The following RSPH3 variants were observed in gnomAD, a reference collection of about 807,000 sequenced individuals.
RSPH3 encodes radial spoke head 3.
In RSPH3, 21 loss-of-function variants were observed where a neutral mutation model predicts 43.8. The observed-to-expected ratio is 0.48, with a 90% confidence interval of 0.34 to 0.69. The LOEUF (loss-of-function observed/expected upper bound fraction) is 0.69. Ranked by LOEUF, RSPH3 falls within the 30% of genes least tolerant of loss-of-function variation. The pLI, the probability that RSPH3 is intolerant of heterozygous loss-of-function variation, is 0.01. For synonymous variants in RSPH3, 173 were observed against 179.8 expected (o/e 0.96, Z 0.30); for missense variants, 487 against 516.0 (o/e 0.94, Z 0.54).
At chr6:158,987,170 T>C (rs12524644) in intron 2 of RSPH3, among the ~76,000 whole-genome samples, 20,100 of 152,238 alleles carry the variant, frequency 0.13, 2,046 homozygotes, top group East Asian at 0.41. Context: ...GTTGGGTGCA[T>C]GGATATTTAT....
chr6:158,984,549 C>A (rs1778162045), intron 3 of RSPH3, among the ~76,000 whole-genome samples: 1 of 146,858 alleles, frequency 6.8e-6, no homozygotes, highest in Admixed American at 6.9e-5. Flanking sequence ...TACCAAGTCA[C>A]CAGGTTATTT....
At chr6:158,982,959 A>G (rs1007527624) in intron 4 of RSPH3, among the ~76,000 whole-genome samples, 53 of 152,150 alleles carry the variant, frequency 3.5e-4, no homozygotes, top group African/African-American at 1.3e-3. Flanking sequence ...CGTCTGTCTT[A>G]TTCTTTGCCT....
At chr6:158,964,885 G>A in the RSPH3 span, among the ~76,000 whole-genome samples, 25 of 152,016 alleles carry the variant, frequency 1.6e-4, no homozygotes, top group African/African-American at 5.8e-4. Flanking sequence ...AGAAACCATT[G>A]TCTAATCCAC....
intron 1 of RSPH3, among the ~76,000 whole-genome samples, chr6:158,995,335 A>C (rs77200608): frequency 0.018 from 2,708 of 152,284 alleles, 34 homozygotes; most frequent in Middle Eastern, 0.024. Context: ...GGTACTACTA[A>C]CTACATAGTT....
In RSPH3 at chr6:158,981,004, T is replaced by C. The variant is rs187047323; in HGVS notation, c.697-68A>G. On this transcript the variant is annotated intron_variant, in intron 5 of 7. Coordinates refer to ENST00000367069, the MANE Select transcript of RSPH3 (RefSeq NM_031924.8). ...CCCCAAGTGCTGAATCTAGTGAAGT[T>C]AGTAAGTACAAGAATCCAGACTTAT... 551 of 1,494,296 alleles carry C rather than the reference T, an allele frequency of 3.7e-4. 2 individuals carry two copies. In the African/African-American group the frequency reaches 6.8e-3, roughly 18 times the overall value. The allele number at this position is 1,494,296 out of a possible 1,614,324, so 92.6% of individuals were successfully genotyped here.
In RSPH3 at chr6:158,980,870, C is replaced by G. The variant is rs376531718; in HGVS notation, c.763G>C (p.Ala255Pro). The change falls in exon 6 of 8, where the codon GCC (alanine) becomes CCC (proline). Residue 255 changes from alanine (A) to proline (P), a missense_variant. Transcript: ENST00000367069. ...AGGTAACGCTGTGCAAATGCTCGGG[C>G]GGCGATTTTTTGTGATGTCTCGTTG... ...KHNETSQKIA[A>P]RAFAQRYLAD... is the part of the protein sequence containing the mutation. The G allele has an allele frequency of 6.2e-7, 1 of 1,614,110 alleles. No individual in the cohort carries two copies. Among genetic ancestry groups the G allele is most frequent in the East Asian group, 2.2e-5 (1 of 44,882 alleles).
rs71297000 is a variant in RSPH3, at chr6:158,998,297, CAAAA to C, written c.116+1134_116+1137del. On this transcript the variant is annotated intron_variant, in intron 1 of 7. Transcript: ENST00000367069. The stretch of plus-strand genomic sequence containing the variant: ...AAACCCCGTCTCTACTAAAAAAATA[CAAAA>C]AAAAAAAAAAAAAAAAAAAGAGCCG... 3.0e-4 allele frequency among the ~76,000 whole-genome samples: 16 copies of C among 53,912 alleles called. 1 individual carries two copies. Among genetic ancestry groups the C allele is most frequent in the African/African-American group, 9.2e-4 (14 of 15,278 alleles). 35.4% of individuals were successfully genotyped at this position (53,912 alleles called of 152,430 possible). A position where few individuals can be genotyped will look rare whatever the true frequency, so the allele number is the denominator to read the frequency against.
rs931792457 is a variant in RSPH3, at chr6:158,989,340, C to A, written c.205-2919G>T. On this transcript the variant is annotated intron_variant, in intron 2 of 7. Transcript: ENST00000367069. This position sits in a 1 kb window ranked among gnomAD's most constrained non-coding sequence, Gnocchi z 4.3. ...GGGATTACAGGCATGAGACACTGCGCCCCGACAGAGATCCTTTATCACTAG... is the reference window on the plus strand; with the variant it reads ...GGGATTACAGGCATGAGACACTGCGACCCGACAGAGATCCTTTATCACTAG... 1.3e-5 allele frequency among the ~76,000 whole-genome samples: 2 copies of A among 152,156 alleles called. No homozygotes were observed. Among genetic ancestry groups the A allele is most frequent in the Non-Finnish European group, 2.9e-5 (2 of 68,020 alleles).
chr6:158,973,007 A>G lies in RSPH3; in HGVS notation c.*4531T>C, dbSNP rs1175983047. On this transcript the variant is annotated 3_prime_UTR_variant, in exon 8 of 8. Coordinates refer to ENST00000367069, the MANE Select transcript of RSPH3 (RefSeq NM_031924.8). ...CTTTCACAATAGTGACACCCCACTTATAACACTCTTTTTTGGGTCTCTGAC... is the reference window on the plus strand; with the variant it reads ...CTTTCACAATAGTGACACCCCACTTGTAACACTCTTTTTTGGGTCTCTGAC... The G allele has an allele frequency of 6.6e-6, 1 of 152,224 alleles. No individual in the cohort carries two copies. 9.4% of individuals were successfully genotyped at this position (152,224 alleles called of 1,614,324 possible). A position where few individuals can be genotyped will look rare whatever the true frequency, so the allele number is the denominator to read the frequency against.
chr6:158,978,970 T>A (rs767378346), intron 6 of RSPH3, among the ~76,000 whole-genome samples: 133 of 152,120 alleles, frequency 8.7e-4, no homozygotes, highest in Non-Finnish European at 1.2e-3. Flanking sequence ...CCAAATGCAA[T>A]GCAAATCTGG....
Position 158,986,278 on chromosome 6 carries a change from A to ACCTGTTTGCACATCGACATGCTTTCTG in RSPH3, c.321_346+1dup, listed in dbSNP as rs768956387. The ACCTGTTTGCACATCGACATGCTTTCTG allele has an allele frequency of 8.1e-6, 13 of 1,613,394 alleles. No homozygotes were observed. Among genetic ancestry groups the ACCTGTTTGCACATCGACATGCTTTCTG allele is most frequent in the Non-Finnish European group, 1.1e-5 (13 of 1,179,744 alleles). ...CACAATGCCAAGGGCACAGTCACAC[A>ACCTGTTTGCACATCGACATGCTTTCTG]CCTGTTTGCACATCGACATGCTTTC... On this transcript the variant is annotated splice_donor_variant, in intron 3 of 7. Transcript: ENST00000367069. LOFTEE classifies it high-confidence loss of function.
At chr6:158,997,469 A>G (rs1778633489) in intron 1 of RSPH3, among the ~76,000 whole-genome samples, 1 of 152,050 alleles carries the variant, frequency 6.6e-6, no homozygotes, top group Non-Finnish European at 1.5e-5. Flanking sequence ...TATTTTATTC[A>G]TAAGGATATC....
chr6:158,966,068 T>C, the RSPH3 span, among the ~76,000 whole-genome samples: 2 of 152,170 alleles, frequency 1.3e-5, 1 homozygote, highest in Non-Finnish European at 2.9e-5. Flanking sequence ...AATTTTATTT[T>C]TTAAACTCTT....
the RSPH3 span, among the ~76,000 whole-genome samples, chr6:158,963,275 C>T: frequency 4.6e-5 from 7 of 151,906 alleles, no homozygotes; most frequent in Non-Finnish European, 1.5e-5. Context: ...GATCTTTTTT[C>T]TTTTTCATAA....
downstream of RSPH3, among the ~76,000 whole-genome samples, chr6:158,972,546 G>T (rs1777707673): frequency 6.6e-6 from 1 of 152,132 alleles, no homozygotes; most frequent in African/African-American, 2.4e-5. Context: ...GAAGTTGGCA[G>T]CAAGTCAACC....
chr6:158,965,331 A>ATT, the RSPH3 span, among the ~76,000 whole-genome samples: 8 of 152,054 alleles, frequency 5.3e-5, no homozygotes, highest in African/African-American at 1.9e-4. Context: ...GTCTGTTGGG[A>ATT]TTTTGATTGG....
At position 158,977,811 on chromosome 6, in the gene RSPH3, C is replaced by G; in HGVS notation, c.984G>C (p.Met328Ile). 6.2e-7 allele frequency: 1 copy of G among 1,613,406 alleles called. No homozygotes were observed. The highest frequency in any genetic ancestry group is 8.5e-7 in the Non-Finnish European group (1 of 1,179,820). The change falls in exon 8 of 8, where the codon ATG becomes ATC. Residue 328 changes from methionine to isoleucine, a missense_variant. Coordinates refer to ENST00000367069, the MANE Select transcript of RSPH3 (RefSeq NM_031924.8). The stretch of plus-strand genomic sequence containing the variant: ...GATGTGTGTCTTCCCCATGCTCATA[C>G]ATACACAGCCTCTTTTCAACCACCT... ...IREVVEKRLC[M>I]YEHGEDTHQS...
At chr6:158,997,632 T>TA (rs1778639552) in intron 1 of RSPH3, among the ~76,000 whole-genome samples, 2 of 152,238 alleles carry the variant, frequency 1.3e-5, no homozygotes, top group East Asian at 3.8e-4. Flanking sequence ...ACTAATAAAC[T>TA]AATCAATAGA....
rs1300418942 is a variant in RSPH3 at position 158,984,434 on chromosome 6, T to TTTTATATATATATATATA, written c.347-628_347-627insTATATATATATATATAAA. On this transcript the variant is annotated intron_variant, in intron 3 of 7. Transcript: ENST00000367069. ...AGTACAACAGTGGATAAAAAGTCAA[T>TTTTATATATATATATATA]TATATATATATATATATATATATAT... Among the ~76,000 whole-genome samples, 555 of 63,608 alleles carry TTTTATATATATATATATA rather than the reference T, an allele frequency of 8.7e-3. 51 individuals are homozygous for TTTTATATATATATATATA. The highest frequency in any genetic ancestry group is 0.017 in the East Asian group (29 of 1,736). The allele number at this position is 63,608 out of a possible 152,430, so 41.7% of individuals were successfully genotyped here.
Sources: gnomAD v4.1 joint callset for allele counts (sites outside exome capture counted in the v4.1 genomes callset) on GRCh38, gnomAD v4.1.1 for gene constraint, Gnocchi (gnomAD v3.1) non-coding constraint, MANE v1.5 for transcripts, NCBI Gene and HGNC (gene_info 2026-07-23, HGNC 2026-07-21) for gene names.